GRIK2: variants seen among roughly 807,000 people sequenced by gnomAD.
GRIK2 encodes glutamate receptor ionotropic, kainate 2.
GRIK2 carries 32 observed loss-of-function variants against 100.3 expected under a neutral mutation model. The observed-to-expected ratio is 0.32, with a 90% CI of 0.24 to 0.43. The LOEUF (loss-of-function observed/expected upper bound fraction) is 0.43. Ranked by LOEUF, GRIK2 falls within the 20% of genes least tolerant of loss-of-function variation. The pLI is 1.00. For missense variants in GRIK2, 843 were observed against 1,114.9 expected (o/e 0.76, Z 3.47); for synonymous variants, 417 against 389.4 (o/e 1.07, Z -0.83).
chr6:102,004,010 T>C (rs1795082145), intron 14 of GRIK2, among the ~76,000 whole-genome samples: 1 of 151,582 alleles, frequency 6.6e-6, no homozygotes, highest in African/African-American at 2.4e-5. Context: ...TGTAGATTTG[T>C]ATTCATGTAA....
At chr6:101,940,785 T>C (rs1790908109) in intron 14 of GRIK2, among the ~76,000 whole-genome samples, 1 of 152,214 alleles carries the variant, frequency 6.6e-6, no homozygotes, top group African/African-American at 2.4e-5. Context: ...TATTTTCTTA[T>C]GGCTTCTAAT....
At chr6:101,827,279 A>G (rs1782393764) in intron 10 of GRIK2, among the ~76,000 whole-genome samples, 1 of 151,956 alleles carries the variant, frequency 6.6e-6, no homozygotes, top group Admixed American at 6.6e-5. Flanking sequence ...GCCTTTGCTT[A>G]ATAGACTTGA....
chr6:101,992,307 G>A (rs530297198), intron 14 of GRIK2, among the ~76,000 whole-genome samples: 79 of 151,436 alleles, frequency 5.2e-4, no homozygotes, highest in Non-Finnish European at 8.9e-4. Flanking sequence ...ATTGCTCTAC[G>A]TTCTCAAAGT....
chr6:101,891,246 T>C lies in GRIK2; in HGVS notation c.1748+1383T>C, dbSNP rs188583323. On this transcript the variant is annotated intron_variant, in intron 12 of 16. Transcript: ENST00000369134. Reference sequence around the variant, plus strand: ...GAAGTAGCATAATATTGGCCGGGTGTGGTTGCTCACGCCTGTAATCCCAGC... The same window carrying C: ...GAAGTAGCATAATATTGGCCGGGTGCGGTTGCTCACGCCTGTAATCCCAGC... Among the ~76,000 whole-genome samples, 638 of 151,958 alleles carry C rather than the reference T, an allele frequency of 4.2e-3. 11 individuals are homozygous for C. The highest frequency in any genetic ancestry group is 0.029 in the Admixed American group (442 of 15,240).
chr6:101,987,669 T>C (rs1412392180), intron 14 of GRIK2, among the ~76,000 whole-genome samples: 3 of 150,364 alleles, frequency 2.0e-5, no homozygotes, highest in Non-Finnish European at 4.4e-5. Context: ...TAGTTATATT[T>C]AATTATATTA....
chr6:101,551,642 CA>C (rs1776512523), intron 2 of GRIK2, among the ~76,000 whole-genome samples: 2 of 152,250 alleles, frequency 1.3e-5, no homozygotes, highest in East Asian at 3.9e-4. Context: ...ACTCTTGGAA[CA>C]TAGAAGCGAA....
At chr6:101,584,629 C>T (rs1778264738) in intron 2 of GRIK2, among the ~76,000 whole-genome samples, 1 of 151,954 alleles carries the variant, frequency 6.6e-6, no homozygotes, top group East Asian at 1.9e-4. Flanking sequence ...AAAGTTGTTA[C>T]TAGCTCCTTC....
At chr6:101,688,825 A>C (rs1360431249) in intron 7 of GRIK2, among the ~76,000 whole-genome samples, 1 of 151,984 alleles carries the variant, frequency 6.6e-6, no homozygotes, top group Non-Finnish European at 1.5e-5. Context: ...TTCTTTCAAA[A>C]TAGATGCAGA....
chr6:101,785,391 C>G (rs1217556095), intron 7 of GRIK2, among the ~76,000 whole-genome samples: 1 of 152,096 alleles, frequency 6.6e-6, no homozygotes, highest in Non-Finnish European at 1.5e-5. Flanking sequence ...GAGTATTTGC[C>G]TAGACCAATG....
At chr6:102,037,383 A>T (rs146668341) in intron 15 of GRIK2, among the ~76,000 whole-genome samples, 1 of 151,396 alleles carries the variant, frequency 6.6e-6, no homozygotes, top group African/African-American at 2.4e-5. Flanking sequence ...ATAAAAGCTC[A>T]GTTGTTAAAA....
At chr6:101,456,481 GAGT>G (rs1397936719) in intron 2 of GRIK2, among the ~76,000 whole-genome samples, 4 of 152,006 alleles carry the variant, frequency 2.6e-5, no homozygotes, top group Non-Finnish European at 5.9e-5. Context: ...CTGAAAAGGA[GAGT>G]AGTAATTTAG....
At chr6:101,624,549 A>C (rs1300980151) in intron 3 of GRIK2, among the ~76,000 whole-genome samples, 1 of 152,116 alleles carries the variant, frequency 6.6e-6, no homozygotes, top group Admixed American at 6.5e-5. Context: ...TTTTATGGAG[A>C]AAACTGAGGG....
At chr6:101,888,207 G>A (rs758010767) in intron 11 of GRIK2, among the ~76,000 whole-genome samples, 1 of 152,040 alleles carries the variant, frequency 6.6e-6, no homozygotes, top group African/African-American at 2.4e-5. Flanking sequence ...TGCATGTCAT[G>A]GTTACACTCT....
chr6:101,501,114 G>A (rs1042922710), intron 2 of GRIK2, among the ~76,000 whole-genome samples: 7 of 152,040 alleles, frequency 4.6e-5, no homozygotes, highest in Non-Finnish European at 5.9e-5. Flanking sequence ...CCCTTGACAA[G>A]CATATAAGAA....
intron 2 of GRIK2, among the ~76,000 whole-genome samples, chr6:101,457,913 TA>T (rs1200303436): frequency 1.3e-5 from 2 of 152,124 alleles, no homozygotes; most frequent in African/African-American, 4.8e-5. Flanking sequence ...TTAAAACCAT[TA>T]AATCTTTCCA....
At chr6:101,835,069 T>A (rs183669121) in intron 10 of GRIK2, among the ~76,000 whole-genome samples, 78 of 152,308 alleles carry the variant, frequency 5.1e-4, no homozygotes, top group Non-Finnish European at 1.0e-3. Context: ...TTAACTTGAC[T>A]AGTGCCAATA....
chr6:101,904,998 G>A (rs1203773248), intron 12 of GRIK2, among the ~76,000 whole-genome samples: 2 of 151,438 alleles, frequency 1.3e-5, no homozygotes, highest in Non-Finnish European at 3.0e-5. Flanking sequence ...GAAGGTCATT[G>A]TATTTTAAAT....
At chr6:101,564,656 C>T (rs777945645) in intron 2 of GRIK2, among the ~76,000 whole-genome samples, 6 of 152,102 alleles carry the variant, frequency 3.9e-5, no homozygotes, top group Admixed American at 1.3e-4. Context: ...TGCCTCCTTG[C>T]GCTATATAAA....
At chr6:101,931,695 ACTCTC>A (rs1215351573) in intron 14 of GRIK2, among the ~76,000 whole-genome samples, 1 of 152,022 alleles carries the variant, frequency 6.6e-6, no homozygotes, top group Non-Finnish European at 1.5e-5. Flanking sequence ...CACCACACAG[ACTCTC>A]CTCAGAGATA....
Sources: gnomAD v4.1 joint callset for allele counts (sites outside exome capture counted in the v4.1 genomes callset) on GRCh38, gnomAD v4.1.1 for gene constraint, MANE v1.5 for transcripts, NCBI Gene and HGNC (gene_info 2026-07-23, HGNC 2026-07-21) for gene names.